Variants in PARP4 observed in about 807,000 individuals in gnomAD.
PARP4 encodes the protein poly(ADP-ribose) polymerase family member 4.
A neutral mutation model predicts 187.7 loss-of-function variants in PARP4; 120 were observed. The ratio of observed to expected loss-of-function variants is 0.64; its 90% CI spans 0.55 to 0.74. The LOEUF is 0.74. Among genes scored for constraint, PARP4 ranks in the 30% least tolerant of loss-of-function variants. The pLI, the probability that PARP4 is intolerant of heterozygous loss-of-function variation, is 0.00. For synonymous variants in PARP4, 654 were observed against 740.9 expected, an observed-to-expected ratio of 0.88 and a Z score of 1.90; for missense variants, 1,836 against 2,070.5, an observed-to-expected ratio of 0.89 and a Z score of 2.20.
At chr13:24,450,031 C>T (rs938520975) in intron 24 of PARP4, among the ~76,000 whole-genome samples, 3 of 152,060 alleles carry the variant, frequency 2.0e-5, no homozygotes, top group African/African-American at 7.3e-5. Context: ...AGAGGACTGA[C>T]TTATCCTTCA....
intron 12 of PARP4, among the ~76,000 whole-genome samples, chr13:24,480,364 T>C (rs559670507): frequency 2.6e-5 from 4 of 152,276 alleles, no homozygotes; most frequent in African/African-American, 9.6e-5. Flanking sequence ...CAATTAATAA[T>C]AACCCTACAG....
chr13:24,469,177 A>G lies in PARP4; in HGVS notation c.2047-67T>C, dbSNP rs1395465035. The G allele has an allele frequency of 8.3e-6, 9 of 1,089,540 alleles. No homozygotes were observed. In the Admixed American group the frequency reaches 1.6e-4, roughly 19 times the overall value. The allele number at this position is 1,089,540 out of a possible 1,614,324, so 67.5% of individuals were successfully genotyped here. A position where few individuals can be genotyped will look rare whatever the true frequency, so the allele number is the denominator to read the frequency against. The stretch of plus-strand genomic sequence containing the variant: ...GACTTCAGGCTTTAATGAAGAAAAC[A>G]ACATCAATGTTTACTAAAACCCAGG... On this transcript the variant is annotated intron_variant, in intron 16 of 33. Transcript: ENST00000381989.
intron 33 of PARP4, among the ~76,000 whole-genome samples, chr13:24,425,633 G>T (rs191619555): frequency 6.7e-4 from 98 of 145,888 alleles, no homozygotes; most frequent in Non-Finnish European, 1.2e-3. Context: ...TCCTACTCTG[G>T]TCTTGACCCT....
At chr13:24,439,280 T>A (rs1051240445) in intron 30 of PARP4, among the ~76,000 whole-genome samples, 1 of 150,472 alleles carries the variant, frequency 6.6e-6, no homozygotes, top group African/African-American at 2.5e-5. Flanking sequence ...TGAACTATGA[T>A]GGTGCCACTG....
At chr13:24,427,451 G>T (rs1231831762) in intron 32 of PARP4, among the ~76,000 whole-genome samples, 1 of 147,116 alleles carries the variant, frequency 6.8e-6, no homozygotes, top group African/African-American at 2.5e-5. Flanking sequence ...GCTCACTGTA[G>T]CCCCCAACTC....
chr13:24,442,235 C>T (rs1870968496), intron 29 of PARP4, among the ~76,000 whole-genome samples: 1 of 150,216 alleles, frequency 6.7e-6, no homozygotes, highest in Non-Finnish European at 1.5e-5. Context: ...TCAGGGAACC[C>T]AGGCCTTTTC....
chr13:24,485,843 A>C (rs1873523443), intron 11 of PARP4, among the ~76,000 whole-genome samples: 1 of 152,216 alleles, frequency 6.6e-6, no homozygotes, highest in African/African-American at 2.4e-5. Flanking sequence ...CTTTAAAAAT[A>C]ATAAATACAT....
Position 24,420,980 on chromosome 13 carries a change from T to C in PARP4, c.*139A>G. 1.8e-6 allele frequency: 2 copies of C among 1,116,412 alleles called. No individual in the cohort carries two copies. Among genetic ancestry groups the C allele is most frequent in the Non-Finnish European group, 2.4e-6 (2 of 840,856 alleles). 69.2% of individuals were successfully genotyped at this position (1,116,412 alleles called of 1,614,324 possible). The stretch of plus-strand genomic sequence containing the variant: ...GCTTGTTAGTTGATTAAAGTAATTC[T>C]TCTTCCACTTAATTTTTAAAGACAG... On this transcript the variant is annotated 3_prime_UTR_variant, in exon 34 of 34. Coordinates refer to ENST00000381989, the MANE Select transcript of PARP4 (RefSeq NM_006437.4).
intron 20 of PARP4, among the ~76,000 whole-genome samples, chr13:24,458,406 G>A (rs377532957): frequency 5.9e-4 from 88 of 149,196 alleles, no homozygotes; most frequent in African/African-American, 2.1e-3. Context: ...ACCGCACTCA[G>A]CCAAGTTTTT....
chr13:24,459,391 AG>A, intron 18 of PARP4, 81 bp from the exon 19 acceptor site: 2 of 1,296,180 alleles, frequency 1.5e-6, no homozygotes, highest in South Asian at 1.4e-5. Context: ...AATCTTGGCA[AG>A]GCCACAACTG....
intron 3 of PARP4, 43 bp downstream of exon 3, chr13:24,501,590 A>C (rs1869285111): frequency 7.5e-7 from 1 of 1,331,050 alleles, no homozygotes; most frequent in Admixed American, 1.7e-5. Context: ...AGCGTGTACT[A>C]TGGCACCTAT....
intron 27 of PARP4, 143 bp from the exon 28 acceptor site, chr13:24,443,873 G>A (rs1871078777): frequency 9.4e-6 from 6 of 635,620 alleles, no homozygotes; most frequent in Non-Finnish European, 1.7e-5. Context: ...TGAGTCTTAA[G>A]GGATGTATAC....
At chr13:24,498,573 T>G (rs554545711) in intron 5 of PARP4, among the ~76,000 whole-genome samples, 1 of 152,146 alleles carries the variant, frequency 6.6e-6, no homozygotes, top group Non-Finnish European at 1.5e-5. Context: ...AACATCACTT[T>G]GAAGGCTAGT....
At chr13:24,488,385 G>A (rs1424073335) in intron 10 of PARP4, among the ~76,000 whole-genome samples, 1 of 152,186 alleles carries the variant, frequency 6.6e-6, no homozygotes, top group African/African-American at 2.4e-5. Flanking sequence ...ACAGAGTCCT[G>A]TTCTGTCTCC....
At chr13:24,432,620 A>G (rs1346075160) in intron 31 of PARP4, among the ~76,000 whole-genome samples, 2 of 152,196 alleles carry the variant, frequency 1.3e-5, no homozygotes, top group East Asian at 1.9e-4. Flanking sequence ...CGGATTGTCA[A>G]TCATAGGCCC....
At chr13:24,496,760 C>T (rs1001246648) in intron 6 of PARP4, among the ~76,000 whole-genome samples, 14 of 152,218 alleles carry the variant, frequency 9.2e-5, no homozygotes, top group African/African-American at 3.4e-4. Flanking sequence ...CGCAGTGGCT[C>T]ATGCCTGTAA....
intron 15 of PARP4, among the ~76,000 whole-genome samples, chr13:24,470,970 G>C (rs1407617478): frequency 6.6e-6 from 1 of 152,128 alleles, no homozygotes; most frequent in East Asian, 1.9e-4. Flanking sequence ...CAGTGGGTAG[G>C]ATTCCTGGAA....
intron 12 of PARP4, among the ~76,000 whole-genome samples, chr13:24,482,406 G>T (rs1182165734): frequency 6.6e-6 from 1 of 152,268 alleles, no homozygotes; most frequent in East Asian, 1.9e-4. Context: ...CTATCAAATA[G>T]CATCTCATAC....
In PARP4 at chr13:24,469,111, C is replaced by T. The variant is rs778735213; in HGVS notation, c.2047-1G>A. Reference sequence around the variant, plus strand: ...GCTGGGCTTCTTCCTTCTCTTTAATCTGGAAAAGATGAGTTTTAAATCATT... The same window carrying T: ...GCTGGGCTTCTTCCTTCTCTTTAATTTGGAAAAGATGAGTTTTAAATCATT... On this transcript the variant is annotated splice_acceptor_variant, in intron 16 of 33. Coordinates refer to ENST00000381989, the MANE Select transcript of PARP4 (RefSeq NM_006437.4). LOFTEE classifies it high-confidence loss of function. The T allele has an allele frequency of 2.5e-6, 4 of 1,603,260 alleles. 1 individual carries two copies. The South Asian group carries it at 3.3e-5, about 13-fold the overall frequency.
Sources: allele counts gnomAD v4.1 joint callset (sites outside exome capture counted in the v4.1 genomes callset), GRCh38; gene constraint gnomAD v4.1.1; transcripts MANE v1.5; gene names NCBI Gene and HGNC (gene_info 2026-07-23, HGNC 2026-07-21).